Variants in CCDC148 observed in about 807,000 individuals in gnomAD.
CCDC148 encodes coiled-coil domain containing 148.
Under a neutral mutation model 85.7 loss-of-function variants are expected in CCDC148, and 89 were observed. The observed-to-expected ratio is 1.04, with a 90% confidence interval of 0.87 to 1.24. The LOEUF is 1.24. CCDC148 is among the 50% of genes most tolerant of loss of function. CCDC148 has a pLI of 0.00. For missense variants in CCDC148, 692 were observed against 671.7 expected (o/e 1.03, Z -0.33); for synonymous variants, 230 against 213.9 (o/e 1.08, Z -0.66).
chr2:158,183,145 G>A (rs984968983), intron 11 of CCDC148, among the ~76,000 whole-genome samples: 25 of 152,058 alleles, frequency 1.6e-4, no homozygotes, highest in African/African-American at 5.8e-4. Context: ...TCTTGGGGGA[G>A]GAGAAGCATC....
intron 9 of CCDC148, among the ~76,000 whole-genome samples, chr2:158,255,168 A>G (rs1209447431): frequency 6.6e-6 from 1 of 151,668 alleles, no homozygotes; most frequent in Non-Finnish European, 1.5e-5. Flanking sequence ...ACCCTAGAGC[A>G]AAGCTTCAGC....
rs192485086 is a variant in CCDC148 at position 158,343,746 on chromosome 2, T to C, written c.251+1469A>G. Among the ~76,000 whole-genome samples, 27 of 152,338 alleles carry C rather than the reference T, an allele frequency of 1.8e-4. 1 individual carries two copies. The highest frequency in any genetic ancestry group is 9.8e-4 in the Admixed American group (15 of 15,310). On this transcript the variant is annotated intron_variant, in intron 3 of 13. Transcript: ENST00000283233. ...ATTCTCCACAAGGTAGTCATTTCTC[T>C]AACTTATCTCCTATTGCTGTTAGCT...
rs1269152453 is a variant in CCDC148 at position 158,172,040 on chromosome 2, T to C, written c.*73A>G. The C allele has an allele frequency of 4.3e-5, 47 of 1,081,510 alleles. No homozygotes were observed. Among genetic ancestry groups the C allele is most frequent in the Non-Finnish European group, 5.6e-5 (43 of 762,914 alleles). 67.0% of individuals were successfully genotyped at this position (1,081,510 alleles called of 1,614,324 possible). A position where few individuals can be genotyped will look rare whatever the true frequency, so the allele number is the denominator to read the frequency against. ...CTGATATTTCAAACATTTTAGAAAG[T>C]AGTAATTATTATTATCCATATACAT... On this transcript the variant is annotated 3_prime_UTR_variant, in exon 14 of 14. Coordinates refer to ENST00000283233, the MANE Select transcript of CCDC148 (RefSeq NM_138803.4).
intron 10 of CCDC148, among the ~76,000 whole-genome samples, chr2:158,225,684 A>G (rs1236326646): frequency 6.6e-6 from 1 of 152,258 alleles, no homozygotes; most frequent in Non-Finnish European, 1.5e-5. Flanking sequence ...TGGAAACTGA[A>G]CAATTCGCTC....
intron 11 of CCDC148, among the ~76,000 whole-genome samples, chr2:158,201,254 T>C (rs1159599492): frequency 6.6e-6 from 1 of 152,202 alleles, no homozygotes; most frequent in Non-Finnish European, 1.5e-5. Flanking sequence ...CCTGTTAATA[T>C]TAATATGTCA....
chr2:158,338,690 C>G (rs751118092), intron 7 of CCDC148, 36 bp downstream of exon 7: 1 of 1,513,942 alleles, frequency 6.6e-7, no homozygotes, highest in South Asian at 1.2e-5. Context: ...AAGTTAGTGT[C>G]AAAAGTCTAC....
rs150205232 is a variant in CCDC148 at position 158,391,982 on chromosome 2, G to T, written c.26-33412C>A. On this transcript the variant is annotated intron_variant, in intron 1 of 13. Coordinates refer to ENST00000283233, the MANE Select transcript of CCDC148 (RefSeq NM_138803.4). The stretch of plus-strand genomic sequence containing the variant: ...GAACAGTCCCAGATTCTCCCCAACT[G>T]GCAGTATCTCCCTTTCCCCATGAGA... Among the ~76,000 whole-genome samples, 31 of 152,148 alleles carry T rather than the reference G, an allele frequency of 2.0e-4. 1 individual carries two copies. In the East Asian group the frequency reaches 5.4e-3, roughly 27 times the overall value.
At chr2:158,233,209 C>T (rs777333351) in intron 10 of CCDC148, among the ~76,000 whole-genome samples, 1 of 152,002 alleles carries the variant, frequency 6.6e-6, no homozygotes, top group African/African-American at 2.4e-5. Context: ...CAACTCCACA[C>T]AAAAAGTATG....
At chr2:158,198,653 G>A (rs1019153605) in intron 11 of CCDC148, among the ~76,000 whole-genome samples, 1 of 152,132 alleles carries the variant, frequency 6.6e-6, no homozygotes, top group Admixed American at 6.6e-5. Flanking sequence ...TACTTGAAAT[G>A]GCTTCAAGGT....
chr2:158,290,083 T>A (rs1193173760), intron 9 of CCDC148, among the ~76,000 whole-genome samples: 1 of 151,970 alleles, frequency 6.6e-6, no homozygotes, highest in East Asian at 1.9e-4. Flanking sequence ...GAATAAAGGG[T>A]AGAGCATAGT....
At chr2:158,182,261 A>C (rs1411573352) in intron 11 of CCDC148, among the ~76,000 whole-genome samples, 1 of 152,080 alleles carries the variant, frequency 6.6e-6, no homozygotes, top group African/African-American at 2.4e-5. Flanking sequence ...AAGAGTGTAG[A>C]GTAAGAAGAG....
intron 10 of CCDC148, among the ~76,000 whole-genome samples, chr2:158,235,310 T>C (rs1052961706): frequency 2.0e-5 from 3 of 152,214 alleles, no homozygotes; most frequent in African/African-American, 7.2e-5. Flanking sequence ...TCAGGTCAAA[T>C]GACAAGAATC....
intron 3 of CCDC148, among the ~76,000 whole-genome samples, chr2:158,342,004 G>T (rs1574654232): frequency 4.2e-5 from 4 of 95,710 alleles, no homozygotes; most frequent in South Asian, 3.8e-4. Context: ...TCCATTTTAT[G>T]TACGTGTCAT....
chr2:158,226,389 G>A lies in CCDC148; in HGVS notation c.1252-5676C>T, dbSNP rs1004443391. Reference sequence around the variant, plus strand: ...TCTATCAGAGGTATAAGGAGGAGCCGGTACCATTCTTTCTGAAACTATTCC... The same window carrying A: ...TCTATCAGAGGTATAAGGAGGAGCCAGTACCATTCTTTCTGAAACTATTCC... On this transcript the variant is annotated intron_variant, in intron 10 of 13. Coordinates refer to ENST00000283233, the MANE Select transcript of CCDC148 (RefSeq NM_138803.4). 1.7e-4 allele frequency among the ~76,000 whole-genome samples: 26 copies of A among 152,088 alleles called. 1 individual carries two copies. Among genetic ancestry groups the A allele is most frequent in the South Asian group, 4.1e-4 (2 of 4,822 alleles).
intron 1 of CCDC148, among the ~76,000 whole-genome samples, chr2:158,454,000 CCTCAGG>C (rs1688505409): frequency 6.6e-6 from 1 of 152,154 alleles, no homozygotes; most frequent in Non-Finnish European, 1.5e-5. Context: ...TTCTGTGGAT[CCTCAGG>C]CTAGGTAACA....
intron 1 of CCDC148, among the ~76,000 whole-genome samples, chr2:158,394,784 C>T (rs1685455073): frequency 2.0e-5 from 3 of 152,012 alleles, no homozygotes; most frequent in African/African-American, 4.8e-5. Flanking sequence ...AACTCACAGG[C>T]AGTAAAACTT....
At chr2:158,226,499 C>CA (rs1687535533) in intron 10 of CCDC148, among the ~76,000 whole-genome samples, 1 of 151,866 alleles carries the variant, frequency 6.6e-6, no homozygotes, top group Admixed American at 6.6e-5. Context: ...AGAGACACAA[C>CA]AAAAAAAGAG....
chr2:158,200,388 G>T (rs1292995944), intron 11 of CCDC148, among the ~76,000 whole-genome samples: 1 of 152,080 alleles, frequency 6.6e-6, no homozygotes, highest in East Asian at 1.9e-4. Context: ...AGTAAGTTGG[G>T]TCTTGAACAG....
At chr2:158,423,018 T>C (rs1414339254) in intron 1 of CCDC148, among the ~76,000 whole-genome samples, 1 of 152,044 alleles carries the variant, frequency 6.6e-6, no homozygotes, top group Non-Finnish European at 1.5e-5. Context: ...GAATCCAACT[T>C]ACAAGGGACA....
Sources: allele counts gnomAD v4.1 joint callset (sites outside exome capture counted in the v4.1 genomes callset), GRCh38; gene constraint gnomAD v4.1.1; transcripts MANE v1.5; gene names NCBI Gene and HGNC (gene_info 2026-07-23, HGNC 2026-07-21).